Variants in PRKAA2 observed in about 807,000 individuals in gnomAD.
PRKAA2 encodes the protein protein kinase AMP-activated catalytic subunit alpha 2.
In PRKAA2, 40 loss-of-function variants were observed where a neutral mutation model predicts 56.3. That is an observed-to-expected ratio of 0.71 (90% CI 0.55 to 0.92). The LOEUF (loss-of-function observed/expected upper bound fraction) is 0.92, where lower values mean the gene tolerates loss of function less well. PRKAA2 is among the 40% of genes least tolerant of loss of function. PRKAA2 has a pLI of 0.00. For missense variants in PRKAA2, 542 were observed against 686.9 expected (o/e 0.79, Z 2.36); for synonymous variants, 214 against 234.2 (o/e 0.91, Z 0.79).
intron 2 of PRKAA2, among the ~76,000 whole-genome samples, chr1:56,690,497 A>G (rs1467013074): frequency 2.6e-5 from 4 of 152,208 alleles, no homozygotes; most frequent in Non-Finnish European, 5.9e-5. Context: ...ATAATTAACA[A>G]CATTATCCAC....
intron 1 of PRKAA2, among the ~76,000 whole-genome samples, chr1:56,661,240 C>G (rs558430883): frequency 6.6e-6 from 1 of 152,232 alleles, no homozygotes; most frequent in East Asian, 1.9e-4. Context: ...ATACTGGCAT[C>G]TTTTACGTAA....
rs369499636 is a variant in PRKAA2 at position 56,646,329 on chromosome 1, GAA to G, written c.94+852_94+853del. 2.6e-4 allele frequency among the ~76,000 whole-genome samples: 39 copies of G among 152,266 alleles called. No homozygotes were observed. The East Asian group carries it at 6.6e-3, about 26-fold the overall frequency. ...GGGAAGACTTCTAGGGTAAGGGAGA[GAA>G]AAAGTTTCCTTGGTGTTTGGAGGAT... On this transcript the variant is annotated intron_variant, in intron 1 of 8. Transcript: ENST00000371244.
rs1045942281 is a variant in PRKAA2, at chr1:56,713,196, G to A, written c.*5483G>A. 1.3e-5 allele frequency: 2 copies of A among 152,092 alleles called. No individual in the cohort carries two copies. The highest frequency in any genetic ancestry group is 2.9e-5 in the Non-Finnish European group (2 of 68,022). The allele number at this position is 152,092 out of a possible 1,614,324, so 9.4% of individuals were successfully genotyped here. ...CATTTGATGCCACTGAACAGTAATA[G>A]CACAAAGAACAGGTCACACAGTCTA... is the stretch of plus-strand genomic sequence containing the variant. On this transcript the variant is annotated 3_prime_UTR_variant, in exon 9 of 9. Coordinates refer to ENST00000371244, the MANE Select transcript of PRKAA2 (RefSeq NM_006252.4).
intron 1 of PRKAA2, among the ~76,000 whole-genome samples, chr1:56,666,296 C>G (rs1312034955): frequency 6.6e-6 from 1 of 152,016 alleles, no homozygotes; most frequent in Non-Finnish European, 1.5e-5. Context: ...AGCTAGCCAC[C>G]GTAAAGGAGA....
Position 56,674,364 on chromosome 1 carries a change from C to CT in PRKAA2, c.95-12dup. 1 of 1,515,256 alleles carries CT rather than the reference C, an allele frequency of 6.6e-7. No homozygotes were observed. The highest frequency in any genetic ancestry group is 8.8e-7 in the Non-Finnish European group (1 of 1,136,442). 93.9% of individuals were successfully genotyped at this position (1,515,256 alleles called of 1,614,324 possible). ...TTGATATGATAGCACATTTTTTTTCCTTTTTCTTTTCTTTAGTTGGAGAAC... is the reference window on the plus strand; with the variant it reads ...TTGATATGATAGCACATTTTTTTTCCTTTTTTCTTTTCTTTAGTTGGAGAAC... On this transcript the variant is annotated splice_polypyrimidine_tract_variant and intron_variant, in intron 1 of 8. Coordinates refer to ENST00000371244, the MANE Select transcript of PRKAA2 (RefSeq NM_006252.4).
intron 1 of PRKAA2, among the ~76,000 whole-genome samples, chr1:56,659,241 T>C (rs12759063): frequency 0.31 from 46,614 of 151,340 alleles, 7,838 homozygotes; most frequent in Admixed American, 0.44. Flanking sequence ...ATGCCTGTAA[T>C]CCTAGCACTT....
chr1:56,659,049 C>G (rs569878840), intron 1 of PRKAA2, among the ~76,000 whole-genome samples: 130 of 150,968 alleles, frequency 8.6e-4, no homozygotes, highest in African/African-American at 2.8e-3. Context: ...GCGATCCTCT[C>G]GCCTGGGCCT....
chr1:56,667,350 A>C (rs2100397116), intron 1 of PRKAA2, among the ~76,000 whole-genome samples: 1 of 152,294 alleles, frequency 6.6e-6, no homozygotes, highest in South Asian at 2.1e-4. Flanking sequence ...TGGTAGCCAA[A>C]AATGCCATTC....
Position 56,645,488 on chromosome 1 carries a change from T to A in PRKAA2, c.94+7T>A. 1.4e-6 allele frequency: 2 copies of A among 1,478,768 alleles called. No individual in the cohort carries two copies. The highest frequency in any genetic ancestry group is 3.0e-5 in the East Asian group (1 of 32,868). The allele number at this position is 1,478,768 out of a possible 1,614,324, so 91.6% of individuals were successfully genotyped here. ...ACCTTCGGCAAAGTGAAGAGTTGAGTACGCGCTCCGGACCGCTGTGCGGGG... is the reference window on the plus strand; with the variant it reads ...ACCTTCGGCAAAGTGAAGAGTTGAGAACGCGCTCCGGACCGCTGTGCGGGG... On this transcript the variant is annotated splice_region_variant and intron_variant, in intron 1 of 8. Transcript: ENST00000371244.
intron 2 of PRKAA2, among the ~76,000 whole-genome samples, chr1:56,688,570 A>G (rs1644207338): frequency 6.6e-6 from 1 of 152,192 alleles, no homozygotes; most frequent in Non-Finnish European, 1.5e-5. Context: ...AGGTCATAGT[A>G]TAGGATTCAG....
At position 56,703,981 on chromosome 1, in the gene PRKAA2, T is replaced by C. The variant is rs1644314140; in HGVS notation, c.799T>C (p.Trp267Arg). ...TGGTGTTTTTCCTAGAGAGCATGAA[T>C]GGTTTAAACAAGATTTGCCCAGTTA... ...ATIKDIREHE[W>R]FKQDLPSYLF... Residue 267 changes from tryptophan (W) to arginine (R), a missense_variant, in exon 7 of 9, where the codon TGG (tryptophan) becomes CGG (arginine). Physicochemically the swap from Trp to Arg is moderately radical, Grantham distance 101. This residue lies in a region of PRKAA2 where 198 missense variants were observed against 234.0 expected (regional missense o/e 0.85). Coordinates refer to ENST00000371244, the MANE Select transcript of PRKAA2 (RefSeq NM_006252.4). The C allele has an allele frequency of 6.2e-7, 1 of 1,605,366 alleles. No individual in the cohort carries two copies. The highest frequency in any genetic ancestry group is 2.2e-5 in the East Asian group (1 of 44,858).
At chr1:56,681,273 T>C (rs1349852839) in intron 2 of PRKAA2, among the ~76,000 whole-genome samples, 4 of 152,160 alleles carry the variant, frequency 2.6e-5, no homozygotes, top group African/African-American at 4.8e-5. Context: ...GTCAGATGGG[T>C]AGATTGCAAA....
At chr1:56,655,186 C>G (rs1217935626) in intron 1 of PRKAA2, among the ~76,000 whole-genome samples, 4 of 145,082 alleles carry the variant, frequency 2.8e-5, no homozygotes, top group African/African-American at 5.1e-5. Flanking sequence ...TTTACTTGGG[C>G]AATATGATAA....
intron 2 of PRKAA2, among the ~76,000 whole-genome samples, chr1:56,687,577 T>A (rs751473022): frequency 1.3e-5 from 2 of 152,054 alleles, no homozygotes; most frequent in Non-Finnish European, 2.9e-5. Flanking sequence ...GGCCTTTTTG[T>A]CTGAGTGATG....
intron 1 of PRKAA2, among the ~76,000 whole-genome samples, chr1:56,663,155 G>T (rs543966044): frequency 6.6e-6 from 1 of 152,120 alleles, no homozygotes; most frequent in Non-Finnish European, 1.5e-5. Flanking sequence ...GGGCAGTGGC[G>T]CAATCATAGC....
intron 1 of PRKAA2, among the ~76,000 whole-genome samples, chr1:56,654,012 A>G (rs937664127): frequency 6.6e-6 from 1 of 152,098 alleles, no homozygotes; most frequent in Non-Finnish European, 1.5e-5. Context: ...TTTAGTATGA[A>G]TGGGTCATTT....
At chr1:56,699,376 C>A (rs1183736537) in intron 6 of PRKAA2, among the ~76,000 whole-genome samples, 1 of 151,990 alleles carries the variant, frequency 6.6e-6, no homozygotes, top group East Asian at 1.9e-4. Context: ...TGTATAATAG[C>A]CCATGTGAAG....
At chr1:56,693,907 T>C (rs1644243351) in intron 5 of PRKAA2, 55 bp downstream of exon 5, 3 of 1,229,638 alleles carry the variant, frequency 2.4e-6, no homozygotes, top group Non-Finnish European at 3.5e-6. Flanking sequence ...TTTGATAACA[T>C]TTAATTACAA....
chr1:56,692,141 C>T (rs1033459275), intron 3 of PRKAA2, among the ~76,000 whole-genome samples: 2 of 150,134 alleles, frequency 1.3e-5, no homozygotes, highest in African/African-American at 2.5e-5. Flanking sequence ...AAGCAATTCT[C>T]GTGTCCCACT....
Sources: gnomAD v4.1 joint callset for allele counts (sites outside exome capture counted in the v4.1 genomes callset) on GRCh38, gnomAD v4.1.1 for gene constraint, gnomAD v4.1.1 regional missense constraint, MANE v1.5 for transcripts, NCBI Gene and HGNC (gene_info 2026-07-23, HGNC 2026-07-21) for gene names.